SGCZ: variants seen among roughly 807,000 people sequenced by gnomAD.
The protein encoded by SGCZ is sarcoglycan zeta.
In SGCZ, 40 loss-of-function variants were observed where a neutral mutation model predicts 41.3. The observed-to-expected ratio is 0.97, with a 90% confidence interval of 0.75 to 1.26. SGCZ has a LOEUF of 1.26. SGCZ is among the 50% of genes most tolerant of loss of function. SGCZ has a pLI of 0.00. For missense variants in SGCZ, 552 were observed against 369.8 expected (o/e 1.49, Z -4.04); for synonymous variants, 206 against 137.5 (o/e 1.50, Z -3.49).
intron 2 of SGCZ, among the ~76,000 whole-genome samples, chr8:14,467,784 A>G (rs1413925993): frequency 2.0e-5 from 3 of 152,062 alleles, no homozygotes; most frequent in African/African-American, 7.2e-5. Flanking sequence ...AGAGCAAGTT[A>G]CATCATACTG....
intron 1 of SGCZ, among the ~76,000 whole-genome samples, chr8:15,215,112 T>C (rs1585681792): frequency 6.6e-6 from 1 of 152,162 alleles, no homozygotes; most frequent in East Asian, 1.9e-4. Context: ...GATTACTGAA[T>C]ATGTAAAACA....
intron 1 of SGCZ, among the ~76,000 whole-genome samples, chr8:14,699,297 A>G (rs1461934409): frequency 6.6e-6 from 1 of 151,278 alleles, no homozygotes; most frequent in African/African-American, 2.4e-5. Flanking sequence ...AGGTCAGAGA[A>G]CCCAGAAATA....
chr8:14,387,179 C>G (rs1463721296), intron 2 of SGCZ, among the ~76,000 whole-genome samples: 1 of 152,152 alleles, frequency 6.6e-6, no homozygotes, highest in African/African-American at 2.4e-5. Context: ...TCCTGAGTAG[C>G]TAGGACTACA....
intron 1 of SGCZ, among the ~76,000 whole-genome samples, chr8:14,641,399 C>T (rs181853543): frequency 2.6e-5 from 4 of 151,622 alleles, no homozygotes; most frequent in Admixed American, 6.6e-5. Context: ...TAGAAAAAAT[C>T]GTAACATTTG....
At chr8:14,176,861 A>T (rs1031630417) in intron 4 of SGCZ, among the ~76,000 whole-genome samples, 4 of 152,224 alleles carry the variant, frequency 2.6e-5, no homozygotes, top group African/African-American at 9.6e-5. Context: ...TGGAGACAGG[A>T]GGCAGTGAGG....
At chr8:14,614,837 G>C (rs925867240) in intron 1 of SGCZ, among the ~76,000 whole-genome samples, 4 of 151,974 alleles carry the variant, frequency 2.6e-5, no homozygotes, top group African/African-American at 7.2e-5. Flanking sequence ...TAAAATATTT[G>C]AATAAAAACC....
chr8:14,325,212 T>C (rs1288404479), intron 2 of SGCZ, among the ~76,000 whole-genome samples: 4 of 152,096 alleles, frequency 2.6e-5, no homozygotes, highest in Non-Finnish European at 5.9e-5. Context: ...ACTGATACAG[T>C]ATTACTAATA....
At chr8:14,166,134 T>G (rs1193223784) in intron 4 of SGCZ, among the ~76,000 whole-genome samples, 1 of 152,166 alleles carries the variant, frequency 6.6e-6, no homozygotes, top group Admixed American at 6.5e-5. Context: ...ACTAGGGCTA[T>G]GCTAAGTAAG....
chr8:15,156,899 T>C (rs1397510327), intron 1 of SGCZ, among the ~76,000 whole-genome samples: 2 of 146,162 alleles, frequency 1.4e-5, no homozygotes, highest in African/African-American at 5.1e-5. Flanking sequence ...AAGCCGAGCA[T>C]GCAGCATCGC....
chr8:14,903,805 C>T (rs1799043068), intron 1 of SGCZ, among the ~76,000 whole-genome samples: 1 of 151,854 alleles, frequency 6.6e-6, no homozygotes, highest in Non-Finnish European at 1.5e-5. Flanking sequence ...TATTCAGAAA[C>T]ATTAGAAAGA....
intron 7 of SGCZ, among the ~76,000 whole-genome samples, chr8:14,099,814 T>C (rs1801956828): frequency 6.6e-6 from 1 of 152,214 alleles, no homozygotes; most frequent in South Asian, 2.1e-4. Context: ...CCACTTACAG[T>C]ATTCTCCATA....
At chr8:15,186,631 T>C (rs373235600) in intron 1 of SGCZ, among the ~76,000 whole-genome samples, 2 of 152,296 alleles carry the variant, frequency 1.3e-5, no homozygotes, top group South Asian at 4.1e-4. Flanking sequence ...AATTGCACTC[T>C]AACTATGAAA....
Position 15,238,137 on chromosome 8 carries a change from G to A in SGCZ, c.-514C>T, listed in dbSNP as rs1282739873. Reference sequence around the variant, plus strand: ...AGCTCCAGTCCCAGGCATTAGCAATGATCAGTTTCCCCGGCAAGATAACAG... The same window carrying A: ...AGCTCCAGTCCCAGGCATTAGCAATAATCAGTTTCCCCGGCAAGATAACAG... On this transcript the variant is annotated 5_prime_UTR_variant, in exon 1 of 8. Coordinates refer to ENST00000382080, the MANE Select transcript of SGCZ (RefSeq NM_139167.4). 1 of 152,848 alleles carries A rather than the reference G, an allele frequency of 6.5e-6. No individual in the cohort carries two copies. Among genetic ancestry groups the A allele is most frequent in the Non-Finnish European group, 1.5e-5 (1 of 68,572 alleles). 9.5% of individuals were successfully genotyped at this position (152,848 alleles called of 1,614,324 possible).
At chr8:15,122,765 G>T (rs1807529945) in intron 1 of SGCZ, among the ~76,000 whole-genome samples, 1 of 152,130 alleles carries the variant, frequency 6.6e-6, no homozygotes, top group Admixed American at 6.5e-5. Context: ...ACTTAGTTAT[G>T]AATATCAGTA....
intron 1 of SGCZ, among the ~76,000 whole-genome samples, chr8:14,839,716 G>C (rs1356899004): frequency 6.6e-6 from 1 of 151,892 alleles, no homozygotes; most frequent in African/African-American, 2.4e-5. Context: ...ATCACATTTT[G>C]AAAGTTATCT....
intron 2 of SGCZ, among the ~76,000 whole-genome samples, chr8:14,382,979 T>C (rs1804426002): frequency 6.6e-6 from 1 of 152,132 alleles, no homozygotes; most frequent in Non-Finnish European, 1.5e-5. Flanking sequence ...CTCTGTCCCC[T>C]GAGAGAAAAC....
At chr8:14,851,727 C>T (rs145595857) in intron 1 of SGCZ, among the ~76,000 whole-genome samples, 1 of 151,790 alleles carries the variant, frequency 6.6e-6, no homozygotes, top group Non-Finnish European at 1.5e-5. Context: ...ATATATCTAT[C>T]CTTTGTGTCA....
intron 1 of SGCZ, among the ~76,000 whole-genome samples, chr8:15,175,470 G>T (rs1945806199): frequency 6.6e-6 from 1 of 152,130 alleles, no homozygotes; most frequent in Non-Finnish European, 1.5e-5. Context: ...TCACTTATAA[G>T]TGGGAGCTAA....
chr8:14,807,641 A>G (rs1307921977), intron 1 of SGCZ, among the ~76,000 whole-genome samples: 1 of 151,744 alleles, frequency 6.6e-6, no homozygotes, highest in African/African-American at 2.4e-5. Flanking sequence ...ATATCGTGAA[A>G]ATGGCCATAC....
Sources: allele counts gnomAD v4.1 joint callset (sites outside exome capture counted in the v4.1 genomes callset), GRCh38; gene constraint gnomAD v4.1.1; transcripts MANE v1.5; gene names NCBI Gene and HGNC (gene_info 2026-07-23, HGNC 2026-07-21).